PLCG2: variants seen among roughly 807,000 people sequenced by gnomAD.
PLCG2 encodes the protein 1-phosphatidylinositol 4,5-bisphosphate phosphodiesterase gamma-2.
Under a neutral mutation model 175.6 loss-of-function variants are expected in PLCG2, and 69 were observed. That is an observed-to-expected ratio of 0.39 (90% CI 0.32 to 0.48). PLCG2 has a LOEUF of 0.48. Among genes scored for constraint, PLCG2 ranks in the 20% least tolerant of loss-of-function variants. The pLI is 0.91. For synonymous variants in PLCG2, 827 were observed against 624.0 expected (o/e 1.33, Z -4.85); for missense variants, 1,798 against 1,650.9 (o/e 1.09, Z -1.54).
chr16:81,899,379 G>A (rs985333913), intron 13 of PLCG2, among the ~76,000 whole-genome samples: 7 of 151,196 alleles, frequency 4.6e-5, no homozygotes, highest in Non-Finnish European at 7.4e-5. Context: ...ATACATACAC[G>A]TTCACATGAT....
intron 1 of PLCG2, among the ~76,000 whole-genome samples, chr16:81,784,031 C>T (rs990741524): frequency 1.3e-5 from 2 of 152,182 alleles, no homozygotes; most frequent in East Asian, 1.9e-4. Context: ...GCCCGCCGTG[C>T]CCCCAGTGCA....
chr16:81,807,617 G>A (rs1339809124), intron 2 of PLCG2, among the ~76,000 whole-genome samples: 2 of 152,270 alleles, frequency 1.3e-5, no homozygotes, highest in Non-Finnish European at 2.9e-5. Flanking sequence ...TGTTCAATAC[G>A]CATTATTTCC....
chr16:81,753,342 G>GTTTTTT (rs34438350), intron 1 of PLCG2, among the ~76,000 whole-genome samples: 1,387 of 90,232 alleles, frequency 0.015, no homozygotes, highest in Non-Finnish European at 0.02. Context: ...GTCCTGGCAG[G>GTTTTTT]TTTTTTTTTT....
intron 2 of PLCG2, 63 bp downstream of exon 2, chr16:81,786,245 C>T: frequency 1.5e-6 from 2 of 1,323,702 alleles, no homozygotes; most frequent in Non-Finnish European, 2.1e-6. Flanking sequence ...GAGCACCTGT[C>T]CACCTTCCTG....
chr16:81,818,269 C>T (rs1041994863), intron 2 of PLCG2, among the ~76,000 whole-genome samples: 1 of 152,236 alleles, frequency 6.6e-6, no homozygotes, highest in African/African-American at 2.4e-5. Context: ...TCCTGCCCCT[C>T]TGGAGGACAT....
In PLCG2 at chr16:81,837,705, CCTT is replaced by C. The variant is rs111628568; in HGVS notation, c.194-16738_194-16736del. On this transcript the variant is annotated intron_variant, in intron 2 of 32. Coordinates refer to ENST00000564138, the MANE Select transcript of PLCG2 (RefSeq NM_002661.5). ...ATGTGTTTTTTTTTTTTTTTTTTCT[CCTT>C]GATGCTGTGCATTTTTTTCCATTGG... is the stretch of plus-strand genomic sequence containing the variant. Among the ~76,000 whole-genome samples the C allele has an allele frequency of 4.1e-4, 53 of 128,882 alleles. 2 individuals are homozygous for C. Among genetic ancestry groups the C allele is most frequent in the African/African-American group, 1.5e-3 (51 of 34,534 alleles). 84.6% of individuals were successfully genotyped at this position (128,882 alleles called of 152,430 possible). A position where few individuals can be genotyped will look rare whatever the true frequency, so the allele number is the denominator to read the frequency against.
At chr16:81,933,014 C>G (rs1181577448) in intron 25 of PLCG2, among the ~76,000 whole-genome samples, 3 of 152,190 alleles carry the variant, frequency 2.0e-5, no homozygotes, top group African/African-American at 7.2e-5. Context: ...CTCCAGCTCT[C>G]TCTACTTTGC....
At chr16:81,901,895 T>A (rs953382540) in intron 14 of PLCG2, among the ~76,000 whole-genome samples, 2 of 152,256 alleles carry the variant, frequency 1.3e-5, no homozygotes, top group Admixed American at 6.5e-5. Context: ...TGAGTTTCCT[T>A]TGTAATTTTA....
Position 81,959,171 on chromosome 16 carries a change from C to G in PLCG2, c.*1173C>G, listed in dbSNP as rs1371753716. On this transcript the variant is annotated 3_prime_UTR_variant, in exon 33 of 33. Transcript: ENST00000564138. ...AACTTCTCAATGAGTGAATTTACAG[C>G]TGATGGGAAAAGGAGTGTAACTGTG... The G allele has an allele frequency of 4.4e-6, 1 of 225,200 alleles. No individual in the cohort carries two copies. The highest frequency in any genetic ancestry group is 8.8e-6 in the Non-Finnish European group (1 of 113,156). 14.0% of individuals were successfully genotyped at this position (225,200 alleles called of 1,614,324 possible).
intron 2 of PLCG2, among the ~76,000 whole-genome samples, chr16:81,805,767 G>GTTTTTTTGTTTT (rs1911983342): frequency 7.6e-5 from 3 of 39,512 alleles, no homozygotes; most frequent in African/African-American, 2.5e-4. Context: ...GTTTTGTTTT[G>GTTTTTTTGTTTT]TTTTTTTTTT....
chr16:81,781,128 T>G (rs1273392840), intron 1 of PLCG2, among the ~76,000 whole-genome samples: 5 of 152,180 alleles, frequency 3.3e-5, no homozygotes, highest in Non-Finnish European at 7.3e-5. Context: ...TCAGTTAATA[T>G]AAATAAAGTC....
rs1338594948 is a variant in PLCG2, at chr16:81,894,889, AAAAT to A, written c.1073-906_1073-903del. 2.6e-5 allele frequency among the ~76,000 whole-genome samples: 4 copies of A among 152,228 alleles called. No homozygotes were observed. The East Asian group carries it at 5.8e-4, about 22-fold the overall frequency. ...CTTTGTCTCAAAAAAATAAAAATAA[AAAAT>A]AAATAAATAAAATAAAAAAGGCATC... On this transcript the variant is annotated intron_variant, in intron 12 of 32. Coordinates refer to ENST00000564138, the MANE Select transcript of PLCG2 (RefSeq NM_002661.5).
chr16:81,855,510 T>A (rs1906639026), intron 3 of PLCG2, among the ~76,000 whole-genome samples: 2 of 152,234 alleles, frequency 1.3e-5, no homozygotes, highest in Admixed American at 6.5e-5. Context: ...CTTATTAATT[T>A]CTCATTCATT....
chr16:81,802,376 T>A (rs548852240), intron 2 of PLCG2, among the ~76,000 whole-genome samples: 2 of 151,450 alleles, frequency 1.3e-5, no homozygotes, highest in Admixed American at 6.6e-5. Context: ...CCTCCCAAAG[T>A]GCTGGGATTA....
intron 2 of PLCG2, among the ~76,000 whole-genome samples, chr16:81,846,641 G>T (rs1189614900): frequency 6.6e-6 from 1 of 152,234 alleles, no homozygotes; most frequent in African/African-American, 2.4e-5. Context: ...AAAAGATCAT[G>T]AGTAGATAGT....
At chr16:81,935,764 G>T in intron 26 of PLCG2, 1 of 985,368 alleles carries the variant, frequency 1.0e-6, no homozygotes, top group Middle Eastern at 5.2e-4. Context: ...GGCTTTGGCA[G>T]GTGATTCTCA....
intron 2 of PLCG2, among the ~76,000 whole-genome samples, chr16:81,800,295 C>T (rs912292988): frequency 6.6e-6 from 1 of 152,178 alleles, no homozygotes; most frequent in African/African-American, 2.4e-5. Context: ...GCTTGCTGCA[C>T]CTATCAGCTC....
At chr16:81,875,790 A>C (rs1224059988) in intron 7 of PLCG2, among the ~76,000 whole-genome samples, 2 of 152,200 alleles carry the variant, frequency 1.3e-5, no homozygotes, top group Non-Finnish European at 2.9e-5. Context: ...GAAGGCTGCT[A>C]ACGTATCTCT....
At chr16:81,833,016 G>T (rs969815398) in intron 2 of PLCG2, among the ~76,000 whole-genome samples, 5 of 151,182 alleles carry the variant, frequency 3.3e-5, no homozygotes, top group Admixed American at 6.6e-5. Flanking sequence ...ATGTGATGAG[G>T]ACCTGGAAAG....
Sources: gnomAD v4.1 joint callset for allele counts (sites outside exome capture counted in the v4.1 genomes callset) on GRCh38, gnomAD v4.1.1 for gene constraint, MANE v1.5 for transcripts, NCBI Gene and HGNC (gene_info 2026-07-23, HGNC 2026-07-21) for gene names.